The following SLC5A11 variants were observed in gnomAD, a reference collection of about 807,000 sequenced individuals.
The protein encoded by SLC5A11 is solute carrier family 5 member 11, also known as sodium/myo-inositol cotransporter 2.
In SLC5A11, 48 loss-of-function variants were observed where a neutral mutation model predicts 69.8. That is an observed-to-expected ratio of 0.69 (90% confidence interval 0.55 to 0.87). The LOEUF (loss-of-function observed/expected upper bound fraction) is 0.87, where lower values mean the gene tolerates loss of function less well. Among genes scored for constraint, SLC5A11 ranks in the 40% least tolerant of loss-of-function variants. The pLI is 0.00. For missense variants in SLC5A11, 784 were observed against 866.1 expected (o/e 0.91, Z 1.19); for synonymous variants, 319 against 342.4 (o/e 0.93, Z 0.75).
At chr16:24,899,590 G>C (rs1270812633) in intron 10 of SLC5A11, among the ~76,000 whole-genome samples, 1 of 151,982 alleles carries the variant, frequency 6.6e-6, no homozygotes, top group Non-Finnish European at 1.5e-5. Flanking sequence ...TTTTAGCAGA[G>C]ATGGGGTTTC....
chr16:24,908,255 A>T, intron 13 of SLC5A11, 124 bp downstream of exon 14: 1 of 1,122,032 alleles, frequency 8.9e-7, no homozygotes, highest in Non-Finnish European at 1.3e-6. Context: ...AGGGAGGGTG[A>T]GTTCCATTGG....
chr16:24,888,814 T>TTTTA, intron 8 of SLC5A11, among the ~76,000 whole-genome samples: 1 of 122,088 alleles, frequency 8.2e-6, no homozygotes, highest in Non-Finnish European at 1.6e-5. Flanking sequence ...TTTTTTTTTC[T>TTTTA]GAGACGGAGT....
exon 1 of SLC5A11, chr16:24,846,128 T>C (rs2059001899): frequency 6.6e-6 from 1 of 152,464 alleles, no homozygotes; most frequent in Non-Finnish European, 1.5e-5. Flanking sequence ...GCGTGGGACA[T>C]GTCACCTTCC....
intron 9 of SLC5A11, among the ~76,000 whole-genome samples, chr16:24,892,718 G>A (rs1158620995): frequency 1.3e-5 from 2 of 152,130 alleles, no homozygotes; most frequent in Admixed American, 6.6e-5. Flanking sequence ...CATAGTGAGG[G>A]CTGATGACAG....
At chr16:24,864,913 A>C (rs1200540510) in intron 3 of SLC5A11, among the ~76,000 whole-genome samples, 1 of 152,082 alleles carries the variant, frequency 6.6e-6, no homozygotes, top group East Asian at 1.9e-4. Flanking sequence ...AAAAAAAATG[A>C]ATCTGTGAAA....
chr16:24,890,991 G>A (rs865989836), exon 9 of SLC5A11: 3 of 1,614,204 alleles, frequency 1.9e-6, no homozygotes, highest in Non-Finnish European at 2.5e-6. Flanking sequence ...TATTTTCCGA[G>A]ATCCGCTGAC....
exon 9 of SLC5A11, chr16:24,891,071 T>A (rs1246212376): frequency 6.2e-7 from 1 of 1,613,938 alleles, no homozygotes; most frequent in Non-Finnish European, 8.5e-7. Context: ...GGTGCACGGA[T>A]CAGGTACAGG....
chr16:24,871,552 C>T (rs909990584), intron 4 of SLC5A11, among the ~76,000 whole-genome samples: 6 of 152,088 alleles, frequency 3.9e-5, no homozygotes, highest in East Asian at 1.9e-4. Context: ...GGATTACAGG[C>T]GTGACTCACC....
intron 10 of SLC5A11, 99 bp from the exon 12 acceptor site, chr16:24,906,558 A>C (rs1459956852): frequency 1.6e-5 from 10 of 627,414 alleles, no homozygotes; most frequent in Non-Finnish European, 2.7e-5. Flanking sequence ...ATTGAGCTAT[A>C]AACTTCCATA....
chr16:24,857,910 G>A lies in SLC5A11; in HGVS notation c.-24-710G>A, dbSNP rs72770453. ...GTCTACCACAAGATTTCCTTAAATT[G>A]CCCATGGATTTGCAGGGTACTGAGA... On this transcript the variant is annotated intron_variant, in intron 1 of 15. Transcript: ENST00000347898. Among the ~76,000 whole-genome samples the A allele has an allele frequency of 3.1e-3, 468 of 152,274 alleles. 2 individuals carry two copies. Among genetic ancestry groups the A allele is most frequent in the Middle Eastern group, 6.8e-3 (2 of 294 alleles).
At chr16:24,908,891 GGGGCCTGATCTC>G (rs762510764) in exon 14 of SLC5A11, 29 of 1,613,248 alleles carry the variant, frequency 1.8e-5, no homozygotes, top group Non-Finnish European at 8.5e-7. Context: ...GGTGCCTTCT[GGGGCCTGATCTC>G]GGGCCTGCTC....
chr16:24,872,261 C>T, intron 5 of SLC5A11, 42 bp downstream of exon 6: 1 of 1,608,170 alleles, frequency 6.2e-7, no homozygotes, highest in Non-Finnish European at 8.5e-7. Context: ...TTGAAAGATG[C>T]TTTGGGAATC....
At chr16:24,859,712 AC>A (rs2059680211) in intron 2 of SLC5A11, among the ~76,000 whole-genome samples, 1 of 152,164 alleles carries the variant, frequency 6.6e-6, no homozygotes, top group African/African-American at 2.4e-5. Context: ...ATATCTTTTC[AC>A]ATTAGCACGT....
rs748583246 is a variant in SLC5A11, at chr16:24,870,042, C to T, written c.312+37C>T. ...ACCTAGGGCATAGATGACATCTTACCTCTACCTAACAGGTAGATCTCAGGG... is the reference window on the plus strand; with the variant it reads ...ACCTAGGGCATAGATGACATCTTACTTCTACCTAACAGGTAGATCTCAGGG... On this transcript the variant is annotated intron_variant, in intron 4 of 15. Coordinates refer to ENST00000347898, the Ensembl canonical transcript of SLC5A11. 23 of 1,400,888 alleles carry T rather than the reference C, an allele frequency of 1.6e-5. No homozygotes were observed. In the Admixed American group the frequency reaches 2.0e-4, roughly 12 times the overall value. 86.8% of individuals were successfully genotyped at this position (1,400,888 alleles called of 1,614,324 possible).
At chr16:24,868,023 G>C (rs1248099748) in intron 3 of SLC5A11, among the ~76,000 whole-genome samples, 4 of 151,560 alleles carry the variant, frequency 2.6e-5, no homozygotes. Flanking sequence ...TGTAATCCCG[G>C]CTACTCAGGA....
intron 10 of SLC5A11, among the ~76,000 whole-genome samples, chr16:24,902,948 A>G (rs954763253): frequency 6.6e-6 from 1 of 152,234 alleles, no homozygotes; most frequent in Non-Finnish European, 1.5e-5. Flanking sequence ...TATATATTGA[A>G]ATACTCTATC....
chr16:24,905,269 CAAA>C lies in SLC5A11; in HGVS notation c.1007-1363_1007-1361del, dbSNP rs34703027. 7.6e-3 allele frequency among the ~76,000 whole-genome samples: 612 copies of C among 80,348 alleles called. 3 individuals are homozygous for C. Among genetic ancestry groups the C allele is most frequent in the African/African-American group, 0.019 (360 of 19,454 alleles). 52.7% of individuals were successfully genotyped at this position (80,348 alleles called of 152,430 possible). A position where few individuals can be genotyped will look rare whatever the true frequency, so the allele number is the denominator to read the frequency against. On this transcript the variant is annotated intron_variant, in intron 10 of 15. Coordinates refer to ENST00000347898, the Ensembl canonical transcript of SLC5A11. ...TGGAACCCCGTCTCTACTAAAAATA[CAAA>C]AAAAAAAAAAAAAAAAAAAAAAAAC...
chr16:24,849,589 A>ATACAT (rs60706405), intron 1 of SLC5A11, among the ~76,000 whole-genome samples: 1 of 63,774 alleles, frequency 1.6e-5, no homozygotes, highest in Admixed American at 1.7e-4. Context: ...AAAAAAAAAA[A>ATACAT]AAAAATATAT....
exon 9 of SLC5A11, chr16:24,891,002 A>T: frequency 6.2e-7 from 1 of 1,614,216 alleles, no homozygotes. Context: ...ATCCGCTGAC[A>T]TCTGATCTCC....
Sources: allele counts gnomAD v4.1 joint callset (sites outside exome capture counted in the v4.1 genomes callset), GRCh38; gene constraint gnomAD v4.1.1; transcripts MANE v1.5; gene names NCBI Gene and HGNC (gene_info 2026-07-23, HGNC 2026-07-21).